Variants in ANKFN1 observed in about 807,000 individuals in gnomAD.
ANKFN1 encodes ankyrin repeat and fibronectin type III domain containing 1, also known as ankyrin repeat and fibronectin type-III domain-containing protein 1.
In ANKFN1, 74 loss-of-function variants were observed where a neutral mutation model predicts 108.7. The ratio of observed to expected loss-of-function variants is 0.68; its 90% CI spans 0.56 to 0.83. The LOEUF (loss-of-function observed/expected upper bound fraction) is 0.83. Ranked by LOEUF, ANKFN1 falls within the 40% of genes least tolerant of loss-of-function variation. The pLI is 0.00. For missense variants in ANKFN1, 1,505 were observed against 1,382.3 expected, an observed-to-expected ratio of 1.09 and a Z score of -1.41; for synonymous variants, 547 against 516.2, an observed-to-expected ratio of 1.06 and a Z score of -0.81.
At position 56,225,869 on chromosome 17, in the gene ANKFN1, A is replaced by G. The variant is rs1195062373; in HGVS notation, c.13-2048A>G. ...CCCTGAATAGTTTTCAAAGTAATCAATGATATTGCTGTGAAAATGTTGCCC... is the reference window on the plus strand; with the variant it reads ...CCCTGAATAGTTTTCAAAGTAATCAGTGATATTGCTGTGAAAATGTTGCCC... On this transcript the variant is annotated intron_variant, in intron 2 of 20. Transcript: ENST00000682825. Among the ~76,000 whole-genome samples, 7 of 152,342 alleles carry G rather than the reference A, an allele frequency of 4.6e-5. No individual in the cohort carries two copies. In the East Asian group the frequency reaches 7.7e-4, roughly 17 times the overall value.
intron 4 of ANKFN1, among the ~76,000 whole-genome samples, chr17:56,071,726 T>G (rs1905123373): frequency 6.6e-6 from 1 of 152,232 alleles, no homozygotes; most frequent in Non-Finnish European, 1.5e-5. Context: ...GTTTGAGCCA[T>G]CCTAGTCTAA....
chr17:56,294,090 C>A (rs1242942255), intron 3 of ANKFN1, among the ~76,000 whole-genome samples: 1 of 152,188 alleles, frequency 6.6e-6, no homozygotes, highest in African/African-American at 2.4e-5. Context: ...ACCTCCATCA[C>A]CGTGAGACCT....
intron 4 of ANKFN1, among the ~76,000 whole-genome samples, chr17:56,092,614 T>C (rs1453788666): frequency 6.6e-6 from 1 of 151,056 alleles, no homozygotes; most frequent in East Asian, 1.9e-4. Flanking sequence ...TTCCTGTGAA[T>C]TTAGCAGCTT....
chr17:56,444,611 T>C (rs1034513853), intron 10 of ANKFN1, among the ~76,000 whole-genome samples: 4 of 152,188 alleles, frequency 2.6e-5, no homozygotes, highest in African/African-American at 7.2e-5. Flanking sequence ...TTTATCAGAC[T>C]CTTTATATGG....
chr17:56,148,974 G>T (rs963833836), upstream of ANKFN1, among the ~76,000 whole-genome samples: 1 of 152,148 alleles, frequency 6.6e-6, no homozygotes, highest in African/African-American at 2.4e-5. Flanking sequence ...TTCAGATGAG[G>T]TAACTGCAGG....
At position 56,353,824 on chromosome 17, in the gene ANKFN1, G is replaced by C. The variant is rs1336119841; in HGVS notation, c.391-12G>C. 3 of 1,613,248 alleles carry C rather than the reference G, an allele frequency of 1.9e-6. No individual in the cohort carries two copies. Among genetic ancestry groups the C allele is most frequent in the Non-Finnish European group, 2.5e-6 (3 of 1,179,562 alleles). On this transcript the variant is annotated splice_polypyrimidine_tract_variant and intron_variant, in intron 5 of 20. Transcript: ENST00000682825. ...TAAGAAATTGTGCTGATCTACTTTT[G>C]CTCCTCTCTAGAATTTCCAGGGCAA...
At position 56,388,583 on chromosome 17, in the gene ANKFN1, G is replaced by A. The variant is rs765731788; in HGVS notation, c.910+13869G>A. 1.7e-4 allele frequency among the ~76,000 whole-genome samples: 26 copies of A among 152,054 alleles called. No homozygotes were observed. In the South Asian group the frequency reaches 1.9e-3, roughly 11 times the overall value. ...TGCCAACTATGTTTATACATTATGAGTGTGCACATTTTTGATATTGCAAAA... is the reference window on the plus strand; with the variant it reads ...TGCCAACTATGTTTATACATTATGAATGTGCACATTTTTGATATTGCAAAA... On this transcript the variant is annotated intron_variant, in intron 8 of 20. Coordinates refer to ENST00000682825, the MANE Select transcript of ANKFN1 (RefSeq NM_001370326.1).
chr17:56,449,806 T>C (rs2049422026), intron 11 of ANKFN1, among the ~76,000 whole-genome samples: 1 of 152,144 alleles, frequency 6.6e-6, no homozygotes, highest in African/African-American at 2.4e-5. Context: ...CCCATTCCCT[T>C]ACATCAGGAC....
At chr17:56,407,931 C>CTTTTTTTTTTTTTT (rs761975892) in intron 8 of ANKFN1, among the ~76,000 whole-genome samples, 3 of 104,622 alleles carry the variant, frequency 2.9e-5, no homozygotes, top group Non-Finnish European at 3.7e-5. Flanking sequence ...TCTTTTTTAT[C>CTTTTTTTTTTTTTT]TTTTTTTTTT....
chr17:56,463,024 T>A (rs2049962569), intron 14 of ANKFN1, among the ~76,000 whole-genome samples: 1 of 152,200 alleles, frequency 6.6e-6, no homozygotes, highest in African/African-American at 2.4e-5. Context: ...TCACAGTGCA[T>A]ATCAAGCACT....
intron 3 of ANKFN1, among the ~76,000 whole-genome samples, chr17:56,318,280 C>G (rs2045266900): frequency 6.6e-6 from 1 of 152,072 alleles, no homozygotes; most frequent in African/African-American, 2.4e-5. Context: ...CCTCTACCCT[C>G]ACCAATACTG....
chr17:56,452,913 CT>C (rs2049541874), intron 11 of ANKFN1, among the ~76,000 whole-genome samples: 1 of 152,136 alleles, frequency 6.6e-6, no homozygotes, highest in Admixed American at 6.5e-5. Context: ...GCCTAAATGG[CT>C]CTGTGCTTCA....
chr17:56,280,259 A>T (rs1344929921), intron 3 of ANKFN1, among the ~76,000 whole-genome samples: 1 of 152,136 alleles, frequency 6.6e-6, no homozygotes, highest in African/African-American at 2.4e-5. Context: ...TAGCAATTGA[A>T]TCAGTAGACT....
At chr17:56,153,819 T>C (rs925599174) in intron 1 of ANKFN1, among the ~76,000 whole-genome samples, 8 of 152,176 alleles carry the variant, frequency 5.3e-5, no homozygotes, top group African/African-American at 1.9e-4. Context: ...TGGTCTGTTT[T>C]CTCTTTTATC....
chr17:56,457,972 A>T lies in ANKFN1; in HGVS notation c.1550A>T (p.Gln517Leu). ...CAGAAGATGCTCGCAGCAACAGCAC[A>T]GCTACAGGTAAGGGACCAGGTTTCA... ...TRQKMLAATAQLQNLLGTHNL... is the reference protein window; with the variant it reads ...TRQKMLAATALLQNLLGTHNL... The change falls in exon 14 of 21, where the codon CAG becomes CTG. Residue 517 changes from glutamine to leucine, a missense_variant. By Grantham distance (113) the Gln-to-Leu change is moderately radical. Transcript: ENST00000682825. The T allele has an allele frequency of 6.2e-7, 1 of 1,613,640 alleles. No individual in the cohort carries two copies. The highest frequency in any genetic ancestry group is 8.5e-7 in the Non-Finnish European group (1 of 1,179,682).
intron 3 of ANKFN1, among the ~76,000 whole-genome samples, chr17:56,229,531 G>A (rs1041182411): frequency 1.3e-5 from 2 of 151,628 alleles, no homozygotes; most frequent in African/African-American, 4.8e-5. Context: ...TATATTAATC[G>A]TGAAAATTTG....
chr17:56,324,951 A>G (rs1598407762), intron 3 of ANKFN1, among the ~76,000 whole-genome samples: 1 of 152,176 alleles, frequency 6.6e-6, no homozygotes, highest in Non-Finnish European at 1.5e-5. Context: ...AGGGGGAGAT[A>G]ATGTCTCTAG....
intron 15 of ANKFN1, among the ~76,000 whole-genome samples, chr17:56,467,777 AAGAAAG>A (rs1229989150): frequency 0.023 from 427 of 18,458 alleles, 11 homozygotes; most frequent in Middle Eastern, 0.077. Context: ...GAAAGAAAGA[AAGAAAG>A]AAAGAAAGAA....
At chr17:56,448,973 C>T (rs754285012) in intron 10 of ANKFN1, 106 bp from the exon 11 acceptor site, 15 of 860,820 alleles carry the variant, frequency 1.7e-5, no homozygotes, top group Non-Finnish European at 2.6e-5. Context: ...TGCTCATCCG[C>T]AGAGACTGTG....
Sources: allele counts gnomAD v4.1 joint callset (sites outside exome capture counted in the v4.1 genomes callset), GRCh38; gene constraint gnomAD v4.1.1; transcripts MANE v1.5; gene names NCBI Gene and HGNC (gene_info 2026-07-23, HGNC 2026-07-21).